RNF145: variants seen among roughly 807,000 people sequenced by gnomAD.
RNF145 encodes the protein ring finger protein 145.
A neutral mutation model predicts 57.3 loss-of-function variants in RNF145; 12 were observed. That is an observed-to-expected ratio of 0.21 (90% CI 0.13 to 0.34). RNF145 has a LOEUF of 0.34. Ranked by LOEUF, RNF145 falls within the 10% of genes least tolerant of loss-of-function variation. The probability of loss-of-function intolerance (pLI) is 1.00; values close to 1 mark genes in which losing one functional copy is unlikely to be tolerated. For missense variants in RNF145, 429 were observed against 799.0 expected, an observed-to-expected ratio of 0.54 and a Z score of 5.58; for synonymous variants, 262 against 288.3, an observed-to-expected ratio of 0.91 and a Z score of 0.92.
At chr5:159,173,957 T>C (rs369127046) in intron 6 of RNF145, 26 bp downstream of exon 6, 47 of 1,540,120 alleles carry the variant, frequency 3.1e-5, no homozygotes, top group Admixed American at 6.0e-5. Context: ...AGGTTATATA[T>C]AGTATCATAG....
chr5:159,175,463 A>G (rs1475076530), intron 5 of RNF145, among the ~76,000 whole-genome samples: 1 of 152,174 alleles, frequency 6.6e-6, no homozygotes, highest in Non-Finnish European at 1.5e-5. Flanking sequence ...TATTCAATAA[A>G]TATTTAATAT....
At chr5:159,208,667 T>C (rs1465884575) in intron 1 of RNF145, among the ~76,000 whole-genome samples, 1 of 150,994 alleles carries the variant, frequency 6.6e-6, no homozygotes, top group Non-Finnish European at 1.5e-5. Context: ...TGGGGCTGCG[T>C]AGATCAAAGC....
intron 4 of RNF145, among the ~76,000 whole-genome samples, chr5:159,180,074 G>A (rs1037479305): frequency 1.3e-5 from 2 of 152,018 alleles, no homozygotes; most frequent in Middle Eastern, 3.2e-3. Context: ...CTCTCTCTCT[G>A]ACTTACCAAG....
At chr5:159,200,853 G>A (rs1225025797) in intron 2 of RNF145, among the ~76,000 whole-genome samples, 1 of 152,168 alleles carries the variant, frequency 6.6e-6, no homozygotes, top group Non-Finnish European at 1.5e-5. Flanking sequence ...TTTTTCTTAA[G>A]TATGTGTATG....
intron 3 of RNF145, among the ~76,000 whole-genome samples, chr5:159,190,670 G>A (rs1402859920): frequency 4.5e-5 from 5 of 111,398 alleles, no homozygotes; most frequent in Admixed American, 3.4e-4. Flanking sequence ...GTGACACAGT[G>A]ACAACCATCT....
intron 2 of RNF145, among the ~76,000 whole-genome samples, chr5:159,199,264 G>A (rs1019588820): frequency 6.6e-6 from 1 of 151,882 alleles, no homozygotes; most frequent in African/African-American, 2.4e-5. Flanking sequence ...ACTACGTTCG[G>A]TCACCCAAAC....
At chr5:159,204,348 T>G (rs1180905018) in intron 1 of RNF145, among the ~76,000 whole-genome samples, 1 of 151,116 alleles carries the variant, frequency 6.6e-6, no homozygotes, top group Non-Finnish European at 1.5e-5. Context: ...AGGCATTGAG[T>G]CTGCAGCCCC....
chr5:159,161,622 CCTGAA>C lies in RNF145; in HGVS notation c.1270-5_1270-1del. 1.4e-6 allele frequency: 2 copies of C among 1,425,884 alleles called. No homozygotes were observed. Among genetic ancestry groups the C allele is most frequent in the African/African-American group, 2.8e-5 (1 of 35,636 alleles). 88.3% of individuals were successfully genotyped at this position (1,425,884 alleles called of 1,614,324 possible). On this transcript the variant is annotated splice_acceptor_variant and splice_polypyrimidine_tract_variant and intron_variant, in intron 9 of 10. Coordinates refer to ENST00000424310, the MANE Select transcript of RNF145 (RefSeq NM_001199383.2). LOFTEE classifies it high-confidence loss of function. The stretch of plus-strand genomic sequence containing the variant: ...ACATAAATAAAAAGTGTTCCCAGAA[CCTGAA>C]AAAAAAAAAAAAATGTACGTATCTT...
chr5:159,175,430 C>T (rs1784687375), intron 5 of RNF145, among the ~76,000 whole-genome samples: 3 of 151,904 alleles, frequency 2.0e-5, no homozygotes, highest in Admixed American at 2.0e-4. Flanking sequence ...CTAAACATGA[C>T]ATTAAAAAAT....
chr5:159,168,829 A>C (rs1406538126), intron 8 of RNF145, 44 bp downstream of exon 8: 4 of 1,228,232 alleles, frequency 3.3e-6, no homozygotes, highest in Non-Finnish European at 4.4e-6. Flanking sequence ...GCATGTAAAG[A>C]ATATTACATG....
At position 159,182,027 on chromosome 5, in the gene RNF145, C is replaced by T; in HGVS notation, c.318G>A (p.Glu106=). Residue 106 remains glutamate (E), a synonymous_variant, in exon 4 of 11, where the codon GAG becomes GAA. Transcript: ENST00000424310. ...ISRDYVRSEL[E]FAYEGPMYLE... ...AATACATTGGTCCCTCATAGGCAAA[C>T]TCCAGTTCACTCCGAACATAGTCCC... 1 of 1,606,514 alleles carries T rather than the reference C, an allele frequency of 6.2e-7. No individual in the cohort carries two copies. The highest frequency in any genetic ancestry group is 1.1e-5 in the South Asian group (1 of 90,842).
At chr5:159,171,577 T>C (rs1784561213) in intron 6 of RNF145, among the ~76,000 whole-genome samples, 1 of 152,176 alleles carries the variant, frequency 6.6e-6, no homozygotes, top group South Asian at 2.1e-4. Flanking sequence ...AGTTTTTCTT[T>C]GCTCTCTCTT....
At position 159,169,051 on chromosome 5, in the gene RNF145, T is replaced by A; in HGVS notation, c.943A>T (p.Met315Leu). ...FMNDPAMNRGMTEGVTLLILA... is the reference protein window; with the variant it reads ...FMNDPAMNRGLTEGVTLLILA... ...ATTAACAGCGTTACTCCTTCTGTCATGCCCCTAAAAAAAGCATACATTTTC... is the reference window on the plus strand; with the variant it reads ...ATTAACAGCGTTACTCCTTCTGTCAAGCCCCTAAAAAAAGCATACATTTTC... The change falls in exon 8 of 11, where the codon ATG (methionine) becomes TTG (leucine). Residue 315 changes from methionine (M) to leucine (L), a missense_variant. Met to Leu is a conservative substitution (Grantham distance 15). Coordinates refer to ENST00000424310, the MANE Select transcript of RNF145 (RefSeq NM_001199383.2). The A allele has an allele frequency of 6.5e-7, 1 of 1,544,842 alleles. No homozygotes were observed. Among genetic ancestry groups the A allele is most frequent in the Non-Finnish European group, 8.7e-7 (1 of 1,152,816 alleles).
intron 8 of RNF145, among the ~76,000 whole-genome samples, chr5:159,167,624 G>T (rs969897372): frequency 6.6e-6 from 1 of 152,156 alleles, no homozygotes; most frequent in African/African-American, 2.4e-5. Context: ...CTACTTTTCA[G>T]ATCTACTAAG....
At chr5:159,208,025 T>G in intron 1 of RNF145, 2 of 1,531,292 alleles carry the variant, frequency 1.3e-6, no homozygotes, top group Non-Finnish European at 1.7e-6. Flanking sequence ...TCCTTCCCTT[T>G]CAGACTAGTT....
intron 6 of RNF145, among the ~76,000 whole-genome samples, 188 bp from the exon 7 acceptor site, chr5:159,170,007 A>G (rs1049647458): frequency 5.9e-5 from 9 of 152,186 alleles, no homozygotes; most frequent in African/African-American, 1.9e-4. Flanking sequence ...CTTCAAACCC[A>G]CATTTTTCTA....
chr5:159,208,385 T>A (rs532779978), intron 1 of RNF145, among the ~76,000 whole-genome samples: 3 of 152,040 alleles, frequency 2.0e-5, no homozygotes, highest in East Asian at 3.9e-4. Flanking sequence ...AAGTTCAGCA[T>A]CCCCGAACAG....
intron 10 of RNF145, among the ~76,000 whole-genome samples, chr5:159,160,082 C>T (rs575804989): frequency 8.5e-5 from 13 of 152,250 alleles, no homozygotes; most frequent in African/African-American, 2.9e-4. Flanking sequence ...ACTCTTGAAT[C>T]CCCGAGATGG....
At chr5:159,191,700 G>T (rs1299910940) in intron 3 of RNF145, among the ~76,000 whole-genome samples, 2 of 152,136 alleles carry the variant, frequency 1.3e-5, no homozygotes, top group African/African-American at 4.8e-5. Flanking sequence ...GCTGAGGCAG[G>T]AGAATCACTT....
Sources: allele counts gnomAD v4.1 joint callset (sites outside exome capture counted in the v4.1 genomes callset), GRCh38; gene constraint gnomAD v4.1.1; transcripts MANE v1.5; gene names NCBI Gene and HGNC (gene_info 2026-07-23, HGNC 2026-07-21).